RABIF: variants seen among roughly 807,000 people sequenced by gnomAD.
RABIF encodes RAB interacting factor, also known as guanine nucleotide exchange factor MSS4.
In RABIF, 13 loss-of-function variants were observed where a neutral mutation model predicts 12.3. That is an observed-to-expected ratio of 1.06 (90% CI 0.69 to 1.68). The LOEUF (loss-of-function observed/expected upper bound fraction) is 1.68. RABIF is among the 40% of genes most tolerant of loss of function. The pLI, the probability that RABIF is intolerant of heterozygous loss-of-function variation, is 0.00. For missense variants in RABIF, 153 were observed against 158.0 expected (o/e 0.97, Z 0.17); for synonymous variants, 70 against 63.3 (o/e 1.11, Z -0.50).
intron 1 of RABIF, among the ~76,000 whole-genome samples, chr1:202,882,572 A>G (rs1659506103): frequency 6.6e-6 from 1 of 152,128 alleles, no homozygotes; most frequent in Non-Finnish European, 1.5e-5. Context: ...ATAAAATAAA[A>G]TGCACAGTTT....
chr1:202,889,016 G>C lies in RABIF; in HGVS notation c.83C>G (p.Ser28Cys). 1 of 1,600,844 alleles carries C rather than the reference G, an allele frequency of 6.2e-7. No homozygotes were observed. Among genetic ancestry groups the C allele is most frequent in the South Asian group, 1.1e-5 (1 of 89,102 alleles). The change falls in exon 1 of 2, where the codon TCC becomes TGC. Residue 28 changes from serine to cysteine, a missense_variant. Physicochemically the swap from Ser to Cys is moderately radical, Grantham distance 112 (BLOSUM62 -1). Transcript: ENST00000367262. ...RKAVLCQRCG[S>C]RVLQPGTALF... ...AGCGGTCCCTGGCTGCAGCACCCGG[G>C]AGCCGCAACGCTGGCACAGCACCGC...
At chr1:202,884,453 G>A (rs114247801) in intron 1 of RABIF, among the ~76,000 whole-genome samples, 299 of 152,196 alleles carry the variant, frequency 2.0e-3, no homozygotes, top group African/African-American at 6.9e-3. Flanking sequence ...GCAGGCCATG[G>A]TGATTGCTTG....
At chr1:202,883,267 A>C (rs1249485552) in intron 1 of RABIF, among the ~76,000 whole-genome samples, 2 of 152,142 alleles carry the variant, frequency 1.3e-5, no homozygotes, top group African/African-American at 4.8e-5. Context: ...CCTGGGCTCA[A>C]GCAATCCTCC....
At chr1:202,885,619 A>G (rs1354135447) in intron 1 of RABIF, among the ~76,000 whole-genome samples, 1 of 152,272 alleles carries the variant, frequency 6.6e-6, no homozygotes, top group Non-Finnish European at 1.5e-5. Flanking sequence ...TAAGGAGCTC[A>G]GCATCTCAGA....
Position 202,880,697 on chromosome 1 carries a change from C to T in RABIF, c.*281G>A. The T allele has an allele frequency of 8.7e-7, 1 of 1,154,636 alleles. No homozygotes were observed. Among genetic ancestry groups the T allele is most frequent in the South Asian group, 3.2e-5 (1 of 30,778 alleles). 71.5% of individuals were successfully genotyped at this position (1,154,636 alleles called of 1,614,324 possible). A position where few individuals can be genotyped will look rare whatever the true frequency, so the allele number is the denominator to read the frequency against. ...GGCAAAACAGAGCCTAGGGAGAATG[C>T]CAGGGAAGAGATGAGATTTTTGGAG... is the stretch of plus-strand genomic sequence containing the variant. On this transcript the variant is annotated 3_prime_UTR_variant, in exon 2 of 2. Transcript: ENST00000367262.
At chr1:202,883,686 C>T (rs1188572627) in intron 1 of RABIF, among the ~76,000 whole-genome samples, 1 of 152,154 alleles carries the variant, frequency 6.6e-6, no homozygotes, top group East Asian at 1.9e-4. Flanking sequence ...CAAAAGATCA[C>T]CACCTTCCCT....
chr1:202,889,073 T>G lies in RABIF; in HGVS notation c.26A>C (p.Glu9Ala). The G allele has an allele frequency of 6.2e-7, 1 of 1,610,542 alleles. No homozygotes were observed. Among genetic ancestry groups the G allele is most frequent in the Non-Finnish European group, 8.5e-7 (1 of 1,178,792 alleles). Residue 9 changes from glutamate (E) to alanine (A), a missense_variant, in exon 1 of 2, where the codon GAG becomes GCG. Physicochemically the swap from Glu to Ala is moderately radical, Grantham distance 107. Around this residue, in one of 2 missense-constraint regions of RABIF, gnomAD observed 113 missense variants for 90.9 expected, o/e 1.24. Coordinates refer to ENST00000367262, the MANE Select transcript of RABIF (RefSeq NM_002871.5). ...GTTTCGGCCCTCGGCTGACACTAAC[T>G]CGCTCGGCTGCTCCGCTGGTTCCAT... Reference protein sequence around the residue: MEPAEQPSELVSAEGRNRK... With the variant: MEPAEQPSALVSAEGRNRK...
chr1:202,885,987 T>C (rs1442134016), intron 1 of RABIF, among the ~76,000 whole-genome samples: 1 of 151,548 alleles, frequency 6.6e-6, no homozygotes, highest in Non-Finnish European at 1.5e-5. Context: ...ACCCACCTTT[T>C]TGCCTTTTTA....
At position 202,889,109 on chromosome 1, in the gene RABIF, G is replaced by A. The variant is rs762333318; in HGVS notation, c.-11C>T. Reference sequence around the variant, plus strand: ...CTCCGCTGGTTCCATCGCCGCTGCCGCCACAGGCTCCTCAGCCACGGCTGC... The same window carrying A: ...CTCCGCTGGTTCCATCGCCGCTGCCACCACAGGCTCCTCAGCCACGGCTGC... On this transcript the variant is annotated 5_prime_UTR_variant, in exon 1 of 2. Transcript: ENST00000367262. 16 of 1,599,506 alleles carry A rather than the reference G, an allele frequency of 1.0e-5. No homozygotes were observed. In the Admixed American group the frequency reaches 2.1e-4, roughly 21 times the overall value.
rs755078837 is a variant in RABIF at position 202,880,893 on chromosome 1, C to A, written c.*85G>T. On this transcript the variant is annotated 3_prime_UTR_variant, in exon 2 of 2. Transcript: ENST00000367262. ...TATATTAGCACAGACAAGAAGGCAG[C>A]GGAACAGTTATACCACATTAAAGGC... is the stretch of plus-strand genomic sequence containing the variant. 9 of 1,550,668 alleles carry A rather than the reference C, an allele frequency of 5.8e-6. No individual in the cohort carries two copies. The highest frequency in any genetic ancestry group is 7.8e-6 in the Non-Finnish European group (9 of 1,148,308).
At chr1:202,886,822 C>T (rs939725784) in intron 1 of RABIF, among the ~76,000 whole-genome samples, 23 of 151,448 alleles carry the variant, frequency 1.5e-4, no homozygotes, top group Non-Finnish European at 2.9e-4. Context: ...GAACTTCTGC[C>T]TCCCGGGTTC....
At chr1:202,884,764 T>C (rs1659535206) in intron 1 of RABIF, among the ~76,000 whole-genome samples, 1 of 152,018 alleles carries the variant, frequency 6.6e-6, no homozygotes, top group African/African-American at 2.4e-5. Flanking sequence ...CTAAACCCAG[T>C]CGACCCCTAA....
intron 1 of RABIF, among the ~76,000 whole-genome samples, chr1:202,888,318 G>C (rs1245062796): frequency 6.6e-6 from 1 of 152,002 alleles, no homozygotes; most frequent in Non-Finnish European, 1.5e-5. Context: ...GTTTTTCTTC[G>C]AAATTTACTT....
chr1:202,883,566 G>A (rs1571504526), intron 1 of RABIF, among the ~76,000 whole-genome samples: 1 of 152,292 alleles, frequency 6.6e-6, no homozygotes, highest in South Asian at 2.1e-4. Context: ...TCACATAGAT[G>A]GAGTAAACTT....
intron 1 of RABIF, among the ~76,000 whole-genome samples, chr1:202,887,612 C>T (rs1371950772): frequency 6.6e-6 from 1 of 151,846 alleles, no homozygotes; most frequent in Non-Finnish European, 1.5e-5. Flanking sequence ...ATTCTCCTGC[C>T]TCAGCCTCCC....
chr1:202,888,336 G>A (rs576250902), intron 1 of RABIF, among the ~76,000 whole-genome samples: 5 of 152,142 alleles, frequency 3.3e-5, no homozygotes, highest in Admixed American at 6.5e-5. Flanking sequence ...CTTCCAGGAC[G>A]TCAGGGATCT....
chr1:202,885,966 A>ACCC, intron 1 of RABIF, among the ~76,000 whole-genome samples: 1 of 85,358 alleles, frequency 1.2e-5, no homozygotes, highest in East Asian at 7.6e-4. Flanking sequence ...ACACAACCCA[A>ACCC]AAAAAAAAAA....
chr1:202,882,868 C>T (rs1659512268), intron 1 of RABIF, among the ~76,000 whole-genome samples: 1 of 152,004 alleles, frequency 6.6e-6, no homozygotes, highest in Admixed American at 6.6e-5. Context: ...AGAGAATGAA[C>T]ATAGAATATC....
chr1:202,880,915 A>T lies in RABIF; in HGVS notation c.*63T>A. On this transcript the variant is annotated 3_prime_UTR_variant, in exon 2 of 2. Coordinates refer to ENST00000367262, the MANE Select transcript of RABIF (RefSeq NM_002871.5). ...CAGCGGAACAGTTATACCACATTAA[A>T]GGCCAGTTCTTGTGGGGAGTAGGTT... The T allele has an allele frequency of 1.3e-6, 2 of 1,588,072 alleles. No individual in the cohort carries two copies. The highest frequency in any genetic ancestry group is 4.5e-5 in the East Asian group (2 of 44,620).
Sources: allele counts gnomAD v4.1 joint callset (sites outside exome capture counted in the v4.1 genomes callset), GRCh38; gene constraint gnomAD v4.1.1; regional missense constraint gnomAD v4.1.1; transcripts MANE v1.5; gene names NCBI Gene and HGNC (gene_info 2026-07-23, HGNC 2026-07-21).